The following NUBPL variants were observed in gnomAD, a reference collection of about 807,000 sequenced individuals.
NUBPL encodes the protein iron-sulfur cluster transfer protein NUBPL.
NUBPL carries 31 observed loss-of-function variants against 45.7 expected under a neutral mutation model. The ratio of observed to expected loss-of-function variants is 0.68; its 90% CI spans 0.51 to 0.92. The LOEUF is 0.92. Ranked by LOEUF, NUBPL falls within the 40% of genes least tolerant of loss-of-function variation. NUBPL has a pLI of 0.00. For missense variants in NUBPL, 401 were observed against 398.7 expected (o/e 1.01, Z -0.05); for synonymous variants, 144 against 140.9 (o/e 1.02, Z -0.15).
At chr14:31,665,844 AC>A (rs2139784882) in intron 4 of NUBPL, among the ~76,000 whole-genome samples, 1 of 152,212 alleles carries the variant, frequency 6.6e-6, no homozygotes, top group African/African-American at 2.4e-5. Flanking sequence ...AAAGTCTCCC[AC>A]TATTACTGTG....
chr14:31,787,002 A>G (rs1187307651), intron 6 of NUBPL, among the ~76,000 whole-genome samples: 1 of 152,194 alleles, frequency 6.6e-6, no homozygotes, highest in Non-Finnish European at 1.5e-5. Flanking sequence ...TTGGCAGTGG[A>G]GAAAGAGAGA....
chr14:31,581,305 G>A (rs995833843), intron 3 of NUBPL, among the ~76,000 whole-genome samples: 5 of 148,956 alleles, frequency 3.4e-5, no homozygotes, highest in African/African-American at 7.5e-5. Context: ...GTACATTAAC[G>A]TTGTGTAACC....
At chr14:31,843,601 A>G (rs11156713) in intron 8 of NUBPL, 40,412 of 152,108 alleles carry the variant, frequency 0.27, 6,064 homozygotes, top group East Asian at 0.48. Flanking sequence ...TACAAGCCCC[A>G]CCTTTCCAGC....
intron 4 of NUBPL, among the ~76,000 whole-genome samples, chr14:31,668,930 T>C (rs148244382): frequency 5.9e-5 from 9 of 152,300 alleles, no homozygotes; most frequent in African/African-American, 1.7e-4. Flanking sequence ...TGCAGAAATA[T>C]CCTGCCTTCT....
chr14:31,562,059 T>G lies in NUBPL; in HGVS notation c.109-9T>G, dbSNP rs1489056760. 2 of 1,562,412 alleles carry G rather than the reference T, an allele frequency of 1.3e-6. No individual in the cohort carries two copies. Among genetic ancestry groups the G allele is most frequent in the Admixed American group, 1.9e-5 (1 of 52,360 alleles). ...TAAAACGGCTTTTTATTATTATTATTTTTTAAAGTTGTCTGGCGCCGGGAG... is the reference window on the plus strand; with the variant it reads ...TAAAACGGCTTTTTATTATTATTATGTTTTAAAGTTGTCTGGCGCCGGGAG... On this transcript the variant is annotated splice_polypyrimidine_tract_variant and intron_variant, in intron 1 of 10. Transcript: ENST00000281081.
At chr14:31,745,205 C>T (rs1321491135) in intron 6 of NUBPL, among the ~76,000 whole-genome samples, 1 of 152,002 alleles carries the variant, frequency 6.6e-6, no homozygotes, top group Non-Finnish European at 1.5e-5. Context: ...TCCCCGCTCT[C>T]CCCACCCCAC....
chr14:31,581,197 T>C (rs1228918883), intron 3 of NUBPL, among the ~76,000 whole-genome samples: 2 of 144,468 alleles, frequency 1.4e-5, no homozygotes, highest in African/African-American at 2.8e-5. Context: ...AGGAAAGAGA[T>C]GGTTCTTTTT....
At chr14:31,757,187 C>G (rs1223761862) in intron 6 of NUBPL, among the ~76,000 whole-genome samples, 2 of 117,396 alleles carry the variant, frequency 1.7e-5, no homozygotes, top group African/African-American at 2.6e-5. Context: ...CTCTGCCTGG[C>G]TTTGGTATCA....
chr14:31,647,097 T>G (rs547375012), intron 4 of NUBPL, among the ~76,000 whole-genome samples: 1 of 152,308 alleles, frequency 6.6e-6, no homozygotes, highest in African/African-American at 2.4e-5. Flanking sequence ...TCTGTTAAAT[T>G]TCTGACTTGT....
intron 4 of NUBPL, among the ~76,000 whole-genome samples, chr14:31,662,876 T>A (rs2036308256): frequency 6.6e-6 from 1 of 152,188 alleles, no homozygotes; most frequent in South Asian, 2.1e-4. Context: ...AAAACATTTC[T>A]ATGTCTCCAC....
chr14:31,793,891 C>T (rs1262051530), intron 7 of NUBPL, among the ~76,000 whole-genome samples: 1 of 87,748 alleles, frequency 1.1e-5, no homozygotes, highest in African/African-American at 4.8e-5. Context: ...TCCCCCGACC[C>T]CACCACAGTC....
intron 6 of NUBPL, among the ~76,000 whole-genome samples, chr14:31,744,032 A>G (rs2038343214): frequency 6.6e-6 from 1 of 152,248 alleles, no homozygotes; most frequent in Middle Eastern, 3.4e-3. Flanking sequence ...AGTGTTAGTT[A>G]TTTATCTAGG....
In NUBPL at chr14:31,747,340, T is replaced by C. The variant is rs111250456; in HGVS notation, c.514-40440T>C. ...TTTTAGTACAGACACAGTTTCACCA[T>C]TTTAGCCAGGATGGTCTTGATCTCC... On this transcript the variant is annotated intron_variant, in intron 6 of 10. Transcript: ENST00000281081. 2.8e-3 allele frequency among the ~76,000 whole-genome samples: 423 copies of C among 152,062 alleles called. 2 individuals are homozygous for C. The highest frequency in any genetic ancestry group is 9.6e-3 in the African/African-American group (399 of 41,416).
At chr14:31,630,874 C>T (rs2035323438) in intron 4 of NUBPL, among the ~76,000 whole-genome samples, 1 of 152,174 alleles carries the variant, frequency 6.6e-6, no homozygotes, top group South Asian at 2.1e-4. Context: ...TCTTTCCCCA[C>T]CATTGGGTAA....
At chr14:31,827,248 A>T (rs899983233) in intron 8 of NUBPL, among the ~76,000 whole-genome samples, 3 of 152,038 alleles carry the variant, frequency 2.0e-5, no homozygotes, top group Admixed American at 1.3e-4. Flanking sequence ...ATTGCCTGCT[A>T]TTAAGAAACT....
intron 7 of NUBPL, among the ~76,000 whole-genome samples, chr14:31,805,308 C>T (rs531534086): frequency 6.6e-6 from 1 of 152,226 alleles, no homozygotes; most frequent in African/African-American, 2.4e-5. Flanking sequence ...CACTTATACA[C>T]TGTTGGTGAG....
chr14:31,661,065 C>G (rs2036257143), intron 4 of NUBPL, among the ~76,000 whole-genome samples: 1 of 152,102 alleles, frequency 6.6e-6, no homozygotes, highest in Non-Finnish European at 1.5e-5. Context: ...TAAAAGCAGT[C>G]CCTAGATTTG....
intron 6 of NUBPL, among the ~76,000 whole-genome samples, chr14:31,708,828 G>C (rs2037509026): frequency 6.6e-6 from 1 of 152,198 alleles, no homozygotes; most frequent in Non-Finnish European, 1.5e-5. Flanking sequence ...GAGAACCTTT[G>C]TTCTCTGGGG....
At chr14:31,857,225 G>C (rs1340324357) in intron 10 of NUBPL, among the ~76,000 whole-genome samples, 2 of 152,178 alleles carry the variant, frequency 1.3e-5, no homozygotes, top group Non-Finnish European at 2.9e-5. Flanking sequence ...CATGGCCTGA[G>C]CTCTTCATTG....
Sources: gnomAD v4.1 joint callset for allele counts (sites outside exome capture counted in the v4.1 genomes callset) on GRCh38, gnomAD v4.1.1 for gene constraint, MANE v1.5 for transcripts, NCBI Gene and HGNC (gene_info 2026-07-23, HGNC 2026-07-21) for gene names.